TLE1: variants seen among roughly 807,000 people sequenced by gnomAD.
The protein encoded by TLE1 is transducin-like enhancer protein 1.
In TLE1, 21 loss-of-function variants were observed where a neutral mutation model predicts 89.8. The observed-to-expected ratio is 0.23, with a 90% CI of 0.17 to 0.34. TLE1 has a LOEUF of 0.34. Among genes scored for constraint, TLE1 ranks in the 10% least tolerant of loss-of-function variants. TLE1 has a pLI of 1.00. For synonymous variants in TLE1, 447 were observed against 407.6 expected, an observed-to-expected ratio of 1.10 and a Z score of -1.16; for missense variants, 795 against 1,031.2, an observed-to-expected ratio of 0.77 and a Z score of 3.14.
At chr9:81,590,387 T>C (rs965391271) in intron 16 of TLE1, among the ~76,000 whole-genome samples, 6 of 152,372 alleles carry the variant, frequency 3.9e-5, no homozygotes, top group Middle Eastern at 3.4e-3. Flanking sequence ...CCTCTTCTCA[T>C]GTCCCTTTGT....
At chr9:81,618,461 C>T (rs1027879260) in intron 9 of TLE1, among the ~76,000 whole-genome samples, 3 of 152,112 alleles carry the variant, frequency 2.0e-5, no homozygotes, top group African/African-American at 4.8e-5. Flanking sequence ...TCTTCAATAG[C>T]GTGTTACAAG....
At chr9:81,613,295 T>C (rs1032136039) in intron 12 of TLE1, 82 bp downstream of exon 12, 18 of 1,549,602 alleles carry the variant, frequency 1.2e-5, no homozygotes, top group Non-Finnish European at 1.5e-5. Flanking sequence ...TGTAGGGCAA[T>C]TGCGTCACAA....
At chr9:81,645,210 T>G (rs1221725657) in intron 6 of TLE1, among the ~76,000 whole-genome samples, 1 of 150,098 alleles carries the variant, frequency 6.7e-6, no homozygotes, top group Non-Finnish European at 1.5e-5. Flanking sequence ...AAATACAAAA[T>G]TAGCCAGGCA....
At chr9:81,620,340 G>T (rs55712377) in intron 9 of TLE1, 101 bp downstream of exon 9, 152,634 of 943,252 alleles carry the variant, frequency 0.16, 13,339 homozygotes, top group African/African-American at 0.26. Context: ...ACAGTATTAT[G>T]TTTAAGGACA....
chr9:81,648,271 C>CAAAAA (rs56842573), intron 6 of TLE1, among the ~76,000 whole-genome samples: 45 of 122,408 alleles, frequency 3.7e-4, no homozygotes, highest in African/African-American at 1.2e-3. Context: ...ACACTGTCTC[C>CAAAAA]AAAAAAAAAA....
chr9:81,628,531 A>G (rs1826185140), intron 8 of TLE1, among the ~76,000 whole-genome samples: 1 of 152,174 alleles, frequency 6.6e-6, no homozygotes, highest in Admixed American at 6.5e-5. Context: ...TTTTGAGACA[A>G]AGTGATGGAT....
intron 14 of TLE1, among the ~76,000 whole-genome samples, chr9:81,594,555 A>T (rs960472065): frequency 3.3e-5 from 5 of 152,126 alleles, no homozygotes; most frequent in Admixed American, 3.3e-4. Context: ...AAAAAAAAAA[A>T]AATTATGCAC....
intron 4 of TLE1, among the ~76,000 whole-genome samples, chr9:81,672,463 A>ATT (rs34263355): frequency 0.078 from 11,290 of 144,206 alleles, 550 homozygotes; most frequent in Middle Eastern, 0.11. Context: ...CCTCCCAACA[A>ATT]TTTTTTTTTT....
intron 4 of TLE1, among the ~76,000 whole-genome samples, chr9:81,669,940 C>A (rs1276507747): frequency 6.6e-6 from 1 of 152,184 alleles, no homozygotes; most frequent in Non-Finnish European, 1.5e-5. Context: ...AACATCGTGT[C>A]AAGCTAAGAT....
chr9:81,631,858 G>A (rs139803614), intron 8 of TLE1, among the ~76,000 whole-genome samples: 2,001 of 152,250 alleles, frequency 0.013, 44 homozygotes, highest in African/African-American at 0.045. Context: ...ATCCCAGCAC[G>A]TTGGGAGGCT....
At chr9:81,633,193 A>G (rs1426421516) in intron 8 of TLE1, among the ~76,000 whole-genome samples, 155 bp downstream of exon 8, 2 of 152,162 alleles carry the variant, frequency 1.3e-5, no homozygotes, top group African/African-American at 2.4e-5. Flanking sequence ...TTTAAAGGAA[A>G]AAAAGTAAAA....
intron 4 of TLE1, among the ~76,000 whole-genome samples, chr9:81,663,905 T>G (rs1831143051): frequency 6.6e-6 from 1 of 152,124 alleles, no homozygotes; most frequent in South Asian, 2.1e-4. Flanking sequence ...ATTACAGGTG[T>G]GAGCCACCAC....
Position 81,634,118 on chromosome 9 carries a change from G to A in TLE1, c.556C>T (p.His186Tyr), listed in dbSNP as rs886941020. The change falls in exon 7 of 20, where the codon CAC (histidine) becomes TAC (tyrosine). Residue 186 changes from histidine (H) to tyrosine (Y), a missense_variant. Physicochemically the swap from His to Tyr is moderately conservative, Grantham distance 83. This residue lies in a region of TLE1 where 468 missense variants were observed against 509.1 expected (regional missense o/e 0.92). Coordinates refer to ENST00000376499, the MANE Select transcript of TLE1 (RefSeq NM_005077.5). Reference sequence around the variant, plus strand: ...TCACCTCTGTGGTGCTCTGCATCGTGGTGCTTCTTGTCATCTTTTATTGCC... The same window carrying A: ...TCACCTCTGTGGTGCTCTGCATCGTAGTGCTTCTTGTCATCTTTTATTGCC... Reference protein sequence around the residue: ...HLAIKDDKKHHDAEHHRDREP... With the variant: ...HLAIKDDKKHYDAEHHRDREP... 2.5e-6 allele frequency: 4 copies of A among 1,609,008 alleles called. No individual in the cohort carries two copies. The highest frequency in any genetic ancestry group is 1.7e-6 in the Non-Finnish European group (2 of 1,177,434).
At chr9:81,597,069 A>T (rs1441108763) in intron 14 of TLE1, among the ~76,000 whole-genome samples, 1 of 152,194 alleles carries the variant, frequency 6.6e-6, no homozygotes, top group Non-Finnish European at 1.5e-5. Flanking sequence ...TTCTCTGGCT[A>T]CGTCAACTGC....
chr9:81,610,586 A>C (rs1823569744), intron 13 of TLE1, among the ~76,000 whole-genome samples: 1 of 152,196 alleles, frequency 6.6e-6, no homozygotes, highest in Admixed American at 6.5e-5. Context: ...GCAAGTTCAC[A>C]GAGCAGTATG....
chr9:81,675,173 T>C (rs952635023), intron 4 of TLE1, among the ~76,000 whole-genome samples: 17 of 152,168 alleles, frequency 1.1e-4, no homozygotes, highest in African/African-American at 4.1e-4. Flanking sequence ...GGAAGATATA[T>C]GACAGATAGA....
intron 14 of TLE1, chr9:81,600,115 T>C: frequency 1.3e-6 from 1 of 744,194 alleles, no homozygotes; most frequent in Non-Finnish European, 2.5e-6. Context: ...GGAACAAGGC[T>C]CCTAAACAGG....
intron 6 of TLE1, among the ~76,000 whole-genome samples, chr9:81,641,335 T>C (rs980958792): frequency 6.6e-6 from 1 of 152,176 alleles, no homozygotes; most frequent in Admixed American, 6.5e-5. Context: ...CCTCCCATTA[T>C]GTGAATGGCC....
At chr9:81,626,128 C>T (rs1300508257) in intron 8 of TLE1, among the ~76,000 whole-genome samples, 1 of 152,084 alleles carries the variant, frequency 6.6e-6, no homozygotes, top group Non-Finnish European at 1.5e-5. Flanking sequence ...AAAAATAAAG[C>T]ACATTATTCA....
Sources: gnomAD v4.1 joint callset for allele counts (sites outside exome capture counted in the v4.1 genomes callset) on GRCh38, gnomAD v4.1.1 for gene constraint, gnomAD v4.1.1 regional missense constraint, MANE v1.5 for transcripts, NCBI Gene and HGNC (gene_info 2026-07-23, HGNC 2026-07-21) for gene names.